The following SHROOM3 variants were observed in gnomAD, a reference collection of about 807,000 sequenced individuals.
SHROOM3 encodes the protein protein Shroom3.
In SHROOM3, 47 loss-of-function variants were observed where a neutral mutation model predicts 138.6. The ratio of observed to expected loss-of-function variants is 0.34; its 90% CI spans 0.27 to 0.43. SHROOM3 has a LOEUF of 0.43. Ranked by LOEUF, SHROOM3 falls within the 20% of genes least tolerant of loss-of-function variation. The pLI, the probability that SHROOM3 is intolerant of heterozygous loss-of-function variation, is 1.00. For missense variants in SHROOM3, 2,491 were observed against 2,596.5 expected, an observed-to-expected ratio of 0.96 and a Z score of 0.88; for synonymous variants, 1,062 against 1,063.3, an observed-to-expected ratio of 1.00 and a Z score of 0.02.
At chr4:76,764,047 TAAGA>T (rs1722070238) in intron 9 of SHROOM3, among the ~76,000 whole-genome samples, 1 of 152,204 alleles carries the variant, frequency 6.6e-6, no homozygotes, top group African/African-American at 2.4e-5. Flanking sequence ...ATTAATAACC[TAAGA>T]TATATATCTA....
At chr4:76,554,349 A>G (rs1459930790) in intron 1 of SHROOM3, among the ~76,000 whole-genome samples, 1 of 151,912 alleles carries the variant, frequency 6.6e-6, no homozygotes, top group African/African-American at 2.4e-5. Flanking sequence ...TATGTATCCA[A>G]TGAATTATAA....
chr4:76,739,669 G>GT lies in SHROOM3; in HGVS notation c.1497dup (p.Gly500TrpfsTer16), dbSNP rs1721184503. 1 of 1,614,074 alleles carries GT rather than the reference G, an allele frequency of 6.2e-7. No individual in the cohort carries two copies. On this transcript the variant is annotated frameshift_variant, in exon 5 of 11. Coordinates refer to ENST00000296043, the MANE Select transcript of SHROOM3 (RefSeq NM_020859.4). LOFTEE classifies it high-confidence loss of function. ...CTCTACCCTGCACTGGCCAAGGAGA[G>GT]TGGATACATAGCCCCTCAGGGAGCA...
At chr4:76,477,317 A>G (rs1731507601) in intron 1 of SHROOM3, among the ~76,000 whole-genome samples, 1 of 152,120 alleles carries the variant, frequency 6.6e-6, no homozygotes, top group South Asian at 2.1e-4. Flanking sequence ...GACTGGGAAC[A>G]TTTCCTAACC....
intron 4 of SHROOM3, among the ~76,000 whole-genome samples, chr4:76,732,854 A>G (rs1234912032): frequency 2.6e-5 from 4 of 152,194 alleles, no homozygotes; most frequent in Admixed American, 1.3e-4. Context: ...AATAACTAGT[A>G]CCTACATCAT....
chr4:76,555,461 A>T, intron 1 of SHROOM3, 148 bp from the exon 2 acceptor site: 1 of 1,181,772 alleles, frequency 8.5e-7, no homozygotes, highest in Non-Finnish European at 1.2e-6. Context: ...GCGCTCTCAC[A>T]GTTTTCCCTC....
At chr4:76,527,795 C>T (rs373724657) in intron 1 of SHROOM3, among the ~76,000 whole-genome samples, 9 of 152,280 alleles carry the variant, frequency 5.9e-5, no homozygotes, top group African/African-American at 1.9e-4. Context: ...TTTCACAACT[C>T]GTGGAGACTT....
intron 1 of SHROOM3, among the ~76,000 whole-genome samples, chr4:76,449,564 A>G (rs1377069183): frequency 6.6e-6 from 1 of 152,184 alleles, no homozygotes; most frequent in African/African-American, 2.4e-5. Context: ...GCTTCCCCAC[A>G]ATGTGAATAT....
At chr4:76,617,071 C>T (rs564718360) in intron 2 of SHROOM3, among the ~76,000 whole-genome samples, 6 of 152,304 alleles carry the variant, frequency 3.9e-5, no homozygotes, top group South Asian at 2.1e-4. Flanking sequence ...GAGTATTACC[C>T]GCACAGGCTA....
intron 7 of SHROOM3, among the ~76,000 whole-genome samples, 169 bp from the exon 8 acceptor site, chr4:76,756,280 T>C (rs1721807214): frequency 6.6e-6 from 1 of 152,170 alleles, no homozygotes. Context: ...AGAAGCCATA[T>C]TCTTTAACAT....
At chr4:76,688,609 T>C (rs1719407149) in intron 2 of SHROOM3, 1 of 985,434 alleles carries the variant, frequency 1.0e-6, no homozygotes, top group Non-Finnish European at 1.2e-6. Context: ...CCTACCTCCG[T>C]TGAAAGAGGC....
rs575812180 is a variant in SHROOM3 at position 76,532,277 on chromosome 4, A to T, written c.169-23332A>T. 2.0e-5 allele frequency: 3 copies of T among 152,318 alleles called. No individual in the cohort carries two copies. In the South Asian group the frequency reaches 6.2e-4, roughly 32 times the overall value. The allele number at this position is 152,318 out of a possible 1,614,324, so 9.4% of individuals were successfully genotyped here. A position where few individuals can be genotyped will look rare whatever the true frequency, so the allele number is the denominator to read the frequency against. ...GTCATCCTTGCGTGGGGGCCATGTT[A>T]TCTTCTCTGTAACATTCCAATTTTA... On this transcript the variant is annotated intron_variant, in intron 1 of 10. Transcript: ENST00000296043.
At chr4:76,692,945 T>C (rs576536345) in intron 2 of SHROOM3, among the ~76,000 whole-genome samples, 4 of 152,304 alleles carry the variant, frequency 2.6e-5, no homozygotes, top group African/African-American at 4.8e-5. Flanking sequence ...TCCACACCCA[T>C]CGAACTGAAC....
chr4:76,758,236 A>G (rs1368268520), intron 8 of SHROOM3: 2 of 152,230 alleles, frequency 1.3e-5, no homozygotes, highest in African/African-American at 2.4e-5. Flanking sequence ...ACTGGGTACT[A>G]TGGGGACCCC....
chr4:76,483,868 C>A (rs1731672261), intron 1 of SHROOM3, among the ~76,000 whole-genome samples: 1 of 152,054 alleles, frequency 6.6e-6, no homozygotes, highest in South Asian at 2.1e-4. Context: ...TAGAAACCAT[C>A]ATTCTCAGCA....
chr4:76,553,623 T>C (rs887917044), intron 1 of SHROOM3, among the ~76,000 whole-genome samples: 2 of 151,986 alleles, frequency 1.3e-5, no homozygotes, highest in Non-Finnish European at 2.9e-5. Flanking sequence ...CCCAACTAGC[T>C]GGGATTACAG....
intron 2 of SHROOM3, among the ~76,000 whole-genome samples, chr4:76,683,818 A>G (rs1040873101): frequency 2.0e-5 from 3 of 152,220 alleles, no homozygotes. Flanking sequence ...TACAAATGTA[A>G]TTCAAAGAGT....
At chr4:76,658,068 T>C (rs907280789) in intron 2 of SHROOM3, among the ~76,000 whole-genome samples, 4 of 152,260 alleles carry the variant, frequency 2.6e-5, no homozygotes, top group African/African-American at 4.8e-5. Context: ...ATACCTGCTT[T>C]GTAGTTACCA....
At chr4:76,581,253 T>G (rs968870234) in intron 2 of SHROOM3, among the ~76,000 whole-genome samples, 1 of 152,176 alleles carries the variant, frequency 6.6e-6, no homozygotes, top group African/African-American at 2.4e-5. Flanking sequence ...AACATTCTTG[T>G]GAAGAAATAC....
intron 2 of SHROOM3, among the ~76,000 whole-genome samples, chr4:76,611,489 A>C (rs935710460): frequency 1.3e-5 from 2 of 152,096 alleles, no homozygotes; most frequent in Non-Finnish European, 2.9e-5. Context: ...CAAAAGTGAG[A>C]AAACGGTGGG....
Sources: allele counts gnomAD v4.1 joint callset (sites outside exome capture counted in the v4.1 genomes callset), GRCh38; gene constraint gnomAD v4.1.1; transcripts MANE v1.5; gene names NCBI Gene and HGNC (gene_info 2026-07-23, HGNC 2026-07-21).